The following MCMBP variants were observed in gnomAD, a reference collection of about 807,000 sequenced individuals.
The protein encoded by MCMBP is minichromosome maintenance complex binding protein.
A neutral mutation model predicts 81.3 loss-of-function variants in MCMBP; 31 were observed. The ratio of observed to expected loss-of-function variants is 0.38; its 90% CI spans 0.29 to 0.51. The LOEUF (loss-of-function observed/expected upper bound fraction) is 0.51, where lower values mean the gene tolerates loss of function less well. MCMBP is among the 20% of genes least tolerant of loss of function. The pLI is 0.87. For missense variants in MCMBP, 645 were observed against 772.1 expected (o/e 0.84, Z 1.95); for synonymous variants, 267 against 275.9 (o/e 0.97, Z 0.32).
chr10:119,834,827 A>G (rs1852179471), intron 14 of MCMBP, among the ~76,000 whole-genome samples: 1 of 133,142 alleles, frequency 7.5e-6, no homozygotes, highest in South Asian at 2.3e-4. Context: ...ACAACACTGC[A>G]CTCTAGCCTG....
intron 13 of MCMBP, 34 bp downstream of exon 13, chr10:119,836,862 C>G (rs748126583): frequency 2.8e-6 from 4 of 1,422,442 alleles, no homozygotes; most frequent in Non-Finnish European, 3.8e-6. Flanking sequence ...TTTCCAATGT[C>G]AACCTCCCTC....
In MCMBP at chr10:119,838,771, T is replaced by TA. The variant is rs1852338125; in HGVS notation, c.1243-72dup. The TA allele has an allele frequency of 3.0e-6, 4 of 1,352,098 alleles. No homozygotes were observed. The Admixed American group carries it at 8.1e-5, about 27-fold the overall frequency. The allele number at this position is 1,352,098 out of a possible 1,614,324, so 83.8% of individuals were successfully genotyped here. On this transcript the variant is annotated intron_variant, in intron 11 of 15. Transcript: ENST00000369077. ...TTTTAAGAAAATATGTACTTGGAAT[T>TA]AAACATTGTGTTTCATATGGAAAAA...
In MCMBP at chr10:119,829,620, C is replaced by T. The variant is rs1358319633; in HGVS notation, c.*1854G>A. On this transcript the variant is annotated 3_prime_UTR_variant, in exon 16 of 16. Transcript: ENST00000369077. ...GACAAAGGGTTTCTGCAGCCAAGCA[C>T]TGCACTCCATTCCGCTGCCTGGGCG... 1 of 152,320 alleles carries T rather than the reference C, an allele frequency of 6.6e-6. No individual in the cohort carries two copies. The highest frequency in any genetic ancestry group is 1.5e-5 in the Non-Finnish European group (1 of 68,126). The allele number at this position is 152,320 out of a possible 1,614,324, so 9.4% of individuals were successfully genotyped here.
chr10:119,837,362 T>C (rs900842723), intron 12 of MCMBP, among the ~76,000 whole-genome samples: 9 of 152,202 alleles, frequency 5.9e-5, no homozygotes, highest in African/African-American at 2.2e-4. Flanking sequence ...CCGTCATACA[T>C]AGATCAGCCT....
Position 119,858,933 on chromosome 10 carries a change from C to A in MCMBP, c.286-8G>T, listed in dbSNP as rs766741421. On this transcript the variant is annotated splice_region_variant and splice_polypyrimidine_tract_variant and intron_variant, in intron 3 of 15. Transcript: ENST00000369077. ...TTTTCCAAAATGAAGAACCTATGACCCCAAACATAGAAAAACAGAATTATA... is the reference window on the plus strand; with the variant it reads ...TTTTCCAAAATGAAGAACCTATGACACCAAACATAGAAAAACAGAATTATA... 1.2e-6 allele frequency: 2 copies of A among 1,611,772 alleles called. No individual in the cohort carries two copies. The highest frequency in any genetic ancestry group is 1.1e-5 in the South Asian group (1 of 90,860).
chr10:119,845,692 C>T (rs1852593806), intron 8 of MCMBP, among the ~76,000 whole-genome samples: 3 of 152,142 alleles, frequency 2.0e-5, no homozygotes, highest in South Asian at 4.1e-4. Context: ...GAACATAGCT[C>T]TGACTACACA....
rs1382588751 is a variant in MCMBP, at chr10:119,848,536, C to T, written c.727-823G>A. On this transcript the variant is annotated intron_variant, in intron 7 of 15. Transcript: ENST00000369077. Reference sequence around the variant, plus strand: ...GCTGAGGCACGAGAATTGCCTGAACCCAGGAGGTAGAAGTTGCAGTGAGCC... The same window carrying T: ...GCTGAGGCACGAGAATTGCCTGAACTCAGGAGGTAGAAGTTGCAGTGAGCC... 2.6e-5 allele frequency among the ~76,000 whole-genome samples: 4 copies of T among 152,160 alleles called. No homozygotes were observed. In the East Asian group the frequency reaches 7.8e-4, roughly 30 times the overall value.
chr10:119,855,756 G>A (rs903226254), intron 5 of MCMBP, among the ~76,000 whole-genome samples: 1 of 151,952 alleles, frequency 6.6e-6, no homozygotes, highest in African/African-American at 2.4e-5. Flanking sequence ...GCAGAAAACA[G>A]AAAATTGAAG....
At chr10:119,869,155 G>A (rs1375882345) in intron 1 of MCMBP, among the ~76,000 whole-genome samples, 3 of 152,218 alleles carry the variant, frequency 2.0e-5, no homozygotes, top group South Asian at 2.1e-4. Flanking sequence ...CATTGGAGAT[G>A]AGGGTCTGGG....
chr10:119,857,440 C>A lies in MCMBP; in HGVS notation c.328-1G>T. The A allele has an allele frequency of 1.9e-6, 3 of 1,579,630 alleles. No individual in the cohort carries two copies. Among genetic ancestry groups the A allele is most frequent in the Admixed American group, 1.9e-5 (1 of 53,206 alleles). On this transcript the variant is annotated splice_acceptor_variant, in intron 4 of 15. Transcript: ENST00000369077. LOFTEE classifies it high-confidence loss of function. ...AGTTTAAATCAAGTTCTTGTTGAGG[C>A]TGTGATATACATAAAAAGTGTTTTT...
At chr10:119,856,470 C>G (rs1023374740) in intron 5 of MCMBP, among the ~76,000 whole-genome samples, 1 of 152,068 alleles carries the variant, frequency 6.6e-6, no homozygotes, top group African/African-American at 2.4e-5. Context: ...TTATATGAGT[C>G]CATTTAGATG....
In MCMBP at chr10:119,836,897, G is replaced by C; in HGVS notation, c.1541C>G (p.Pro514Arg). The change falls in exon 13 of 16, where the codon CCG (proline) becomes CGG (arginine). Residue 514 changes from proline to arginine, a missense_variant and splice_region_variant. By Grantham distance (103) the Pro-to-Arg change is moderately radical. Transcript: ENST00000369077. Reference protein sequence around the residue: ...FITSEGRSLLPADCQIHLQPQ... With the variant: ...FITSEGRSLLRADCQIHLQPQ... ...CCATTTAAAAATGACTCATCATACC[G>C]GGAGGAGTGACCTCCCCTCCGAAGT... 4 of 1,605,828 alleles carry C rather than the reference G, an allele frequency of 2.5e-6. No homozygotes were observed. Among genetic ancestry groups the C allele is most frequent in the Non-Finnish European group, 3.4e-6 (4 of 1,175,760 alleles).
chr10:119,851,583 C>A (rs1852825909), intron 6 of MCMBP, among the ~76,000 whole-genome samples: 1 of 151,952 alleles, frequency 6.6e-6, no homozygotes, highest in Admixed American at 6.6e-5. Flanking sequence ...CAGGCGCCTG[C>A]CACCATGCCT....
intron 5 of MCMBP, among the ~76,000 whole-genome samples, chr10:119,853,802 A>C (rs1471527460): frequency 1.3e-5 from 2 of 152,222 alleles, no homozygotes; most frequent in African/African-American, 4.8e-5. Flanking sequence ...TAATACTATA[A>C]TGGACCCTAC....
At chr10:119,838,909 C>T (rs534495536) in intron 11 of MCMBP, among the ~76,000 whole-genome samples, 13 of 152,246 alleles carry the variant, frequency 8.5e-5, no homozygotes, top group Admixed American at 7.8e-4. Context: ...CTACTTTATT[C>T]TCAAATGTCT....
At chr10:119,873,295 C>A (rs1414709458), upstream of MCMBP, 1 of 152,296 alleles carries the variant, frequency 6.6e-6, no homozygotes. Context: ...GGCCCGAAAC[C>A]CTGAGTGGTG....
Position 119,843,407 on chromosome 10 carries a change from C to T in MCMBP, c.847G>A (p.Asp283Asn). Residue 283 changes from aspartate (D) to asparagine (N), a missense_variant, in exon 9 of 16, where the codon GAT (aspartate) becomes AAT (asparagine). Physicochemically the swap from Asp to Asn is conservative, Grantham distance 23. Coordinates refer to ENST00000369077, the MANE Select transcript of MCMBP (RefSeq NM_001256378.2). ...NDERDASALL[D>N]PMECTDTAEE... The stretch of plus-strand genomic sequence containing the variant: ...GCTGTGTCTGTGCACTCCATCGGAT[C>T]CAGCAGTGCAGAGGCATCCCTGTGG... The T allele has an allele frequency of 5.0e-6, 8 of 1,613,790 alleles. No individual in the cohort carries two copies. The highest frequency in any genetic ancestry group is 6.8e-6 in the Non-Finnish European group (8 of 1,179,804).
At chr10:119,865,083 C>G (rs1853406058) in intron 1 of MCMBP, among the ~76,000 whole-genome samples, 1 of 137,660 alleles carries the variant, frequency 7.3e-6, no homozygotes, top group Admixed American at 7.0e-5. Flanking sequence ...TTTTGATTTT[C>G]TACCCACTAT....
At chr10:119,836,865 C>A in intron 13 of MCMBP, 31 bp downstream of exon 13, 1 of 1,465,992 alleles carries the variant, frequency 6.8e-7, no homozygotes, top group South Asian at 1.2e-5. Flanking sequence ...CCAATGTCAA[C>A]CTCCCTCCAT....
Sources: gnomAD v4.1 joint callset for allele counts (sites outside exome capture counted in the v4.1 genomes callset) on GRCh38, gnomAD v4.1.1 for gene constraint, MANE v1.5 for transcripts, NCBI Gene and HGNC (gene_info 2026-07-23, HGNC 2026-07-21) for gene names.